LCORL: variants seen among roughly 807,000 people sequenced by gnomAD.
LCORL encodes the protein ligand dependent nuclear receptor corepressor like.
A neutral mutation model predicts 141.8 loss-of-function variants in LCORL; 41 were observed. That is an observed-to-expected ratio of 0.29 (90% CI 0.23 to 0.38). The LOEUF is 0.38. Ranked by LOEUF, LCORL falls within the 10% of genes least tolerant of loss-of-function variation. The probability of loss-of-function intolerance (pLI) is 1.00; values close to 1 mark genes in which losing one functional copy is unlikely to be tolerated. For missense variants in LCORL, 1,759 were observed against 2,035.0 expected, an observed-to-expected ratio of 0.86 and a Z score of 2.61; for synonymous variants, 618 against 694.1, an observed-to-expected ratio of 0.89 and a Z score of 1.72.
chr4:17,873,591 G>C (rs1726601880), exon 7 of LCORL: 1 of 1,233,508 alleles, frequency 8.1e-7, no homozygotes, highest in Non-Finnish European at 1.0e-6. Flanking sequence ...AAATTCATCA[G>C]CTGAAGGATT....
At chr4:17,920,923 A>G (rs1205867270) in intron 4 of LCORL, among the ~76,000 whole-genome samples, 1 of 152,140 alleles carries the variant, frequency 6.6e-6, no homozygotes, top group Non-Finnish European at 1.5e-5. Flanking sequence ...GAAGTCCTCA[A>G]TGTTATCTAT....
In LCORL at chr4:17,944,046, A is replaced by C. The variant is rs189304097; in HGVS notation, c.430+17857T>G. Among the ~76,000 whole-genome samples the C allele has an allele frequency of 3.9e-5, 6 of 152,282 alleles. No individual in the cohort carries two copies. In the East Asian group the frequency reaches 1.2e-3, roughly 29 times the overall value. On this transcript the variant is annotated intron_variant, in intron 4 of 7. Coordinates refer to ENST00000635767, the Ensembl canonical transcript of LCORL. ...TTTTAGTCTTAAATCTAGTTTACCC[A>C]TACTTATTCATGCCACTGTCCATAG... is the stretch of plus-strand genomic sequence containing the variant.
rs143113844 is a variant in LCORL at position 17,943,004 on chromosome 4, T to A, written c.430+18899A>T. Among the ~76,000 whole-genome samples, 509 of 152,306 alleles carry A rather than the reference T, an allele frequency of 3.3e-3. 2 individuals are homozygous for A. The highest frequency in any genetic ancestry group is 5.9e-3 in the Non-Finnish European group (399 of 68,012). On this transcript the variant is annotated intron_variant, in intron 4 of 7. Coordinates refer to ENST00000635767, the Ensembl canonical transcript of LCORL. The stretch of plus-strand genomic sequence containing the variant: ...TGAGAATCTAACCAATGCCTGATGA[T>A]CTGAGGTGTAACAGTTTTATCCCGA...
At chr4:17,989,010 T>G (rs1301545652) in intron 1 of LCORL, among the ~76,000 whole-genome samples, 2 of 152,104 alleles carry the variant, frequency 1.3e-5, no homozygotes, top group Non-Finnish European at 2.9e-5. Flanking sequence ...AAAACAAAAT[T>G]TAAAAAAACT....
intron 7 of LCORL, among the ~76,000 whole-genome samples, chr4:17,852,456 C>T (rs1002185346): frequency 1.3e-5 from 2 of 151,890 alleles, no homozygotes; most frequent in African/African-American, 4.8e-5. Context: ...TTAATGAGAG[C>T]CAATTAGCAT....
chr4:17,842,238 A>G, exon 8 of LCORL: 2 of 1,288,206 alleles, frequency 1.6e-6, no homozygotes, highest in Non-Finnish European at 1.1e-6. Context: ...GGATTTAGTT[A>G]GCCTAGAAAC....
In LCORL at chr4:17,943,747, G is replaced by A. The variant is rs75234257; in HGVS notation, c.430+18156C>T. ...GAATGAGGAATATGCCAGGTCACAG[G>A]AATATAAAGAATACAGAATCATAGG... On this transcript the variant is annotated intron_variant, in intron 4 of 7. Coordinates refer to ENST00000635767, the Ensembl canonical transcript of LCORL. Among the ~76,000 whole-genome samples the A allele has an allele frequency of 8.9e-4, 136 of 152,232 alleles. 3 individuals carry two copies. In the East Asian group the frequency reaches 0.024, roughly 27 times the overall value.
At chr4:17,861,016 G>C (rs1353396864) in intron 7 of LCORL, among the ~76,000 whole-genome samples, 3 of 152,202 alleles carry the variant, frequency 2.0e-5, no homozygotes, top group Admixed American at 1.3e-4. Flanking sequence ...GGATGGCTTT[G>C]AGTGTCTGAG....
chr4:17,879,429 A>G (rs1049265227), intron 6 of LCORL, among the ~76,000 whole-genome samples: 15 of 151,138 alleles, frequency 9.9e-5, no homozygotes, highest in African/African-American at 3.6e-4. Flanking sequence ...AAAACTAGTG[A>G]TCTGACATAA....
At position 17,884,082 on chromosome 4, in the gene LCORL, C is replaced by T; in HGVS notation, c.776+1986G>A. On this transcript the variant is annotated intron_variant, in intron 6 of 7. Transcript: ENST00000635767. This position sits in a 1 kb window ranked among gnomAD's most constrained non-coding sequence, Gnocchi z 4.4. ...GAATTAAGACACAAAGGAGAGAGGT[C>T]CCCATGTAGAAAGTAAGAGTCAACA... 1.3e-6 allele frequency: 2 copies of T among 1,550,588 alleles called. No homozygotes were observed. The highest frequency in any genetic ancestry group is 2.4e-5 in the South Asian group (2 of 84,024).
At chr4:17,999,498 T>C (rs917931620) in intron 1 of LCORL, among the ~76,000 whole-genome samples, 1 of 151,262 alleles carries the variant, frequency 6.6e-6, no homozygotes, top group Non-Finnish European at 1.5e-5. Flanking sequence ...CACTAGGTGA[T>C]AGGAACTTCC....
chr4:17,906,473 A>C (rs1731636051), intron 5 of LCORL, among the ~76,000 whole-genome samples: 1 of 151,852 alleles, frequency 6.6e-6, no homozygotes, highest in Non-Finnish European at 1.5e-5. Context: ...GTCATTCAAA[A>C]ACTTAAAATT....
chr4:17,916,089 A>G (rs1297562404), intron 4 of LCORL, among the ~76,000 whole-genome samples: 3 of 152,202 alleles, frequency 2.0e-5, no homozygotes, highest in Non-Finnish European at 4.4e-5. Flanking sequence ...AGAAAGTATC[A>G]AAGAACTGAA....
At chr4:17,934,162 T>C (rs529624281) in intron 4 of LCORL, among the ~76,000 whole-genome samples, 1 of 152,108 alleles carries the variant, frequency 6.6e-6, no homozygotes, top group East Asian at 1.9e-4. Context: ...GACTGTGTAT[T>C]TGGCAAATCC....
chr4:17,879,519 AG>A (rs1253971749), intron 6 of LCORL, among the ~76,000 whole-genome samples: 1 of 151,088 alleles, frequency 6.6e-6, no homozygotes, highest in Non-Finnish European at 1.5e-5. Flanking sequence ...AGACAGATGA[AG>A]ATAGGACATG....
Position 17,844,346 on chromosome 4 carries a change from A to T in LCORL, c.*1542T>A, listed in dbSNP as rs1349053997. The T allele has an allele frequency of 2.6e-5, 4 of 152,558 alleles. No homozygotes were observed. The East Asian group carries it at 7.7e-4, about 29-fold the overall frequency. The allele number at this position is 152,558 out of a possible 1,614,324, so 9.5% of individuals were successfully genotyped here. A position where few individuals can be genotyped will look rare whatever the true frequency, so the allele number is the denominator to read the frequency against. ...GAAACACCTTTTCTCTTTATTATTC[A>T]GAAATGTCCTAACATGGATCTGTTT... On this transcript the variant is annotated 3_prime_UTR_variant, in exon 8 of 8. Transcript: ENST00000635767.
At chr4:17,913,766 T>C (rs78765602) in intron 4 of LCORL, among the ~76,000 whole-genome samples, 38 of 152,302 alleles carry the variant, frequency 2.5e-4, no homozygotes, top group African/African-American at 7.9e-4. Flanking sequence ...AATTTTTTTG[T>C]TTCCTAATCT....
intron 4 of LCORL, among the ~76,000 whole-genome samples, chr4:17,916,920 G>A (rs1375215782): frequency 6.6e-6 from 1 of 151,938 alleles, no homozygotes; most frequent in African/African-American, 2.4e-5. Flanking sequence ...ACTGGCGTGA[G>A]CCACCATGCC....
chr4:17,994,849 T>G (rs1720653483), intron 1 of LCORL, among the ~76,000 whole-genome samples: 3 of 151,698 alleles, frequency 2.0e-5, no homozygotes, highest in Admixed American at 2.0e-4. Flanking sequence ...TACTATAAGC[T>G]CCAAAGAAGC....
Sources: allele counts gnomAD v4.1 joint callset (sites outside exome capture counted in the v4.1 genomes callset), GRCh38; gene constraint gnomAD v4.1.1; non-coding constraint Gnocchi (gnomAD v3.1); transcripts MANE v1.5; gene names NCBI Gene and HGNC (gene_info 2026-07-23, HGNC 2026-07-21).